Variants in POU6F2 observed in about 807,000 individuals in gnomAD.
The protein encoded by POU6F2 is POU class 6 homeobox 2.
POU6F2 carries 31 observed loss-of-function variants against 71.3 expected under a neutral mutation model. The observed-to-expected ratio is 0.43, with a 90% confidence interval of 0.33 to 0.59. The LOEUF (loss-of-function observed/expected upper bound fraction) is 0.59, where lower values mean the gene tolerates loss of function less well. Ranked by LOEUF, POU6F2 falls within the 20% of genes least tolerant of loss-of-function variation. POU6F2 has a pLI of 0.04. For synonymous variants in POU6F2, 347 were observed against 355.7 expected (o/e 0.98, Z 0.27); for missense variants, 783 against 856.8 (o/e 0.91, Z 1.07).
chr7:39,005,222 CAAT>C (rs1445185186), intron 1 of POU6F2: 3 of 152,304 alleles, frequency 2.0e-5, no homozygotes, highest in African/African-American at 7.2e-5. Context: ...GCTGTGAAAA[CAAT>C]CAGTGCATTT....
intron 2 of POU6F2, among the ~76,000 whole-genome samples, chr7:39,119,548 G>A (rs1792000098): frequency 6.6e-6 from 1 of 152,096 alleles, no homozygotes. Context: ...CCCTCCAAAA[G>A]AGAAAGCTAT....
intron 2 of POU6F2, among the ~76,000 whole-genome samples, chr7:39,125,673 A>AT (rs1417890031): frequency 1.3e-5 from 2 of 152,088 alleles, no homozygotes; most frequent in Non-Finnish European, 2.9e-5. Context: ...CCATTTTTGC[A>AT]TTTTTTGTAT....
chr7:39,100,243 C>G (rs1791539873), intron 2 of POU6F2, among the ~76,000 whole-genome samples: 1 of 152,134 alleles, frequency 6.6e-6, no homozygotes, highest in Non-Finnish European at 1.5e-5. Context: ...AAGATGGCAA[C>G]CTCAAAAAAA....
chr7:39,448,635 C>T (rs1321402845), intron 7 of POU6F2, among the ~76,000 whole-genome samples: 1 of 152,134 alleles, frequency 6.6e-6, no homozygotes, highest in African/African-American at 2.4e-5. Context: ...TCTAGTGACT[C>T]TTAATTTAAG....
At chr7:39,195,600 T>C (rs943063976) in intron 2 of POU6F2, among the ~76,000 whole-genome samples, 18 of 151,728 alleles carry the variant, frequency 1.2e-4, no homozygotes, top group African/African-American at 4.4e-4. Flanking sequence ...CCCCATCTCC[T>C]CTTTAGGCTT....
Position 39,204,269 on chromosome 7 carries a change from C to T in POU6F2, c.312C>T (p.Gly104=). The T allele has an allele frequency of 6.2e-7, 1 of 1,613,854 alleles. No individual in the cohort carries two copies. Among genetic ancestry groups the T allele is most frequent in the Non-Finnish European group, 8.5e-7 (1 of 1,179,836 alleles). The change falls in exon 3 of 10, where the codon GGC becomes GGT. Residue 104 remains glycine, a synonymous_variant. Transcript: ENST00000518318. Reference sequence around the variant, plus strand: ...GAAACCCAGCATTATCAGACCCAGGCACTCCTGACCAACACCAGGCCAGTC... The same window carrying T: ...GAAACCCAGCATTATCAGACCCAGGTACTCCTGACCAACACCAGGCCAGTC... ...ARGNPALSDP[G]TPDQHQASQT...
At chr7:39,408,055 G>A (rs1305501225) in intron 6 of POU6F2, among the ~76,000 whole-genome samples, 1 of 152,192 alleles carries the variant, frequency 6.6e-6, no homozygotes, top group Admixed American at 6.5e-5. Flanking sequence ...CTAAATGGAG[G>A]CTCTCAAAAG....
intron 4 of POU6F2, among the ~76,000 whole-genome samples, chr7:39,226,541 A>G (rs1485587941): frequency 6.6e-6 from 1 of 152,236 alleles, no homozygotes; most frequent in Non-Finnish European, 1.5e-5. Flanking sequence ...TGTCTAAGAA[A>G]GACCCTTTAA....
intron 1 of POU6F2, among the ~76,000 whole-genome samples, chr7:39,064,344 A>G (rs966452491): frequency 9.2e-5 from 14 of 151,956 alleles, no homozygotes; most frequent in Non-Finnish European, 5.9e-5. Flanking sequence ...TTATATTCTC[A>G]ACTATGAGAG....
chr7:39,197,359 T>C (rs1487173536), intron 2 of POU6F2, among the ~76,000 whole-genome samples: 2 of 152,234 alleles, frequency 1.3e-5, no homozygotes, highest in Admixed American at 1.3e-4. Flanking sequence ...GGTTCGCCCA[T>C]GTGCGATAGG....
At chr7:38,997,464 T>C (rs780809377) in intron 1 of POU6F2, among the ~76,000 whole-genome samples, 6 of 152,228 alleles carry the variant, frequency 3.9e-5, no homozygotes, top group Non-Finnish European at 8.8e-5. Flanking sequence ...CTTCTACCTG[T>C]CTGCCTGAAC....
chr7:39,071,641 C>T (rs4723819), intron 1 of POU6F2, among the ~76,000 whole-genome samples: 46,682 of 147,846 alleles, frequency 0.32, 7,963 homozygotes, highest in East Asian at 0.77. Flanking sequence ...TGGTGAAACC[C>T]CATCTCTAAA....
intron 2 of POU6F2, among the ~76,000 whole-genome samples, chr7:39,156,720 A>C (rs1425309619): frequency 6.6e-6 from 1 of 152,180 alleles, no homozygotes; most frequent in Non-Finnish European, 1.5e-5. Flanking sequence ...AAGTTAAACG[A>C]CTCAAAAGCA....
chr7:39,143,599 G>A (rs190345214), intron 2 of POU6F2, among the ~76,000 whole-genome samples: 2 of 152,158 alleles, frequency 1.3e-5, no homozygotes, highest in Non-Finnish European at 2.9e-5. Context: ...TGGACATTTG[G>A]GGAATAAGAG....
chr7:39,447,884 G>A (rs115763720), intron 7 of POU6F2, among the ~76,000 whole-genome samples: 1,546 of 152,212 alleles, frequency 0.01, 20 homozygotes, highest in African/African-American at 0.036. Flanking sequence ...TTACAGTTAA[G>A]TCAGTGTCCA....
At chr7:39,462,547 C>A (rs1433683384) in intron 9 of POU6F2, among the ~76,000 whole-genome samples, 1 of 152,114 alleles carries the variant, frequency 6.6e-6, no homozygotes, top group Non-Finnish European at 1.5e-5. Flanking sequence ...AACCTCTGTC[C>A]CCTCGTGCCT....
In POU6F2 at chr7:39,129,298, C is replaced by T. The variant is rs548689844; in HGVS notation, c.277+43267C>T. On this transcript the variant is annotated intron_variant, in intron 2 of 9. Transcript: ENST00000518318. ...GAATAGAAATTCTGCCTATCTTGTTCACTATTGCATTCTTATTGCCTAGAA... is the reference window on the plus strand; with the variant it reads ...GAATAGAAATTCTGCCTATCTTGTTTACTATTGCATTCTTATTGCCTAGAA... 3.3e-5 allele frequency among the ~76,000 whole-genome samples: 5 copies of T among 152,284 alleles called. No individual in the cohort carries two copies. The South Asian group carries it at 1.0e-3, about 32-fold the overall frequency.
intron 5 of POU6F2, among the ~76,000 whole-genome samples, chr7:39,371,746 G>A (rs905405418): frequency 1.3e-5 from 2 of 152,158 alleles, no homozygotes; most frequent in African/African-American, 4.8e-5. Flanking sequence ...CCCACTCAAG[G>A]TAGACAATTA....
intron 1 of POU6F2, among the ~76,000 whole-genome samples, chr7:38,989,833 G>A (rs915193940): frequency 6.6e-6 from 1 of 151,274 alleles, no homozygotes; most frequent in Admixed American, 6.6e-5. Context: ...GTGTTTGTGT[G>A]TGTGTGTGTG....
Sources: gnomAD v4.1 joint callset for allele counts (sites outside exome capture counted in the v4.1 genomes callset) on GRCh38, gnomAD v4.1.1 for gene constraint, MANE v1.5 for transcripts, NCBI Gene and HGNC (gene_info 2026-07-23, HGNC 2026-07-21) for gene names.